Variants in ARPP21 observed in about 807,000 individuals in gnomAD.
The protein encoded by ARPP21 is cAMP-regulated phosphoprotein 21.
In ARPP21, 69 loss-of-function variants were observed where a neutral mutation model predicts 113.2. The ratio of observed to expected loss-of-function variants is 0.61; its 90% CI spans 0.50 to 0.74. The LOEUF (loss-of-function observed/expected upper bound fraction) is 0.74. ARPP21 is among the 30% of genes least tolerant of loss of function. The pLI is 0.00. For missense variants in ARPP21, 1,070 were observed against 1,037.4 expected, an observed-to-expected ratio of 1.03 and a Z score of -0.43; for synonymous variants, 368 against 375.5, an observed-to-expected ratio of 0.98 and a Z score of 0.23.
intron 9 of ARPP21, among the ~76,000 whole-genome samples, chr3:35,698,046 G>A (rs934327120): frequency 6.6e-6 from 1 of 151,574 alleles, no homozygotes; most frequent in African/African-American, 2.4e-5. Flanking sequence ...AGGAATGGCA[G>A]TGAAAATCAT....
chr3:35,657,430 A>T (rs1423398432), intron 1 of ARPP21, among the ~76,000 whole-genome samples: 1 of 152,158 alleles, frequency 6.6e-6, no homozygotes, highest in South Asian at 2.1e-4. Context: ...GGTGATATCA[A>T]TAAACATCTG....
rs746962534 is a variant in ARPP21 at position 35,689,368 on chromosome 3, A to T, written c.468A>T (p.Thr156=). ...GIDLHEFLIN[T]LKNNSRDRMI... ...ACTTACACGAGTTTCTGATTAACAC[A>T]TTAAAGAATAATTCCAGGTAAATTA... Residue 156 remains threonine, a synonymous_variant, in exon 7 of 21, where the codon ACA becomes ACT. Transcript: ENST00000684406. The T allele has an allele frequency of 1.3e-6, 2 of 1,539,710 alleles. No individual in the cohort carries two copies. Among genetic ancestry groups the T allele is most frequent in the Admixed American group, 3.4e-5 (2 of 59,500 alleles).
chr3:35,693,619 T>A (rs1176175867), intron 9 of ARPP21, among the ~76,000 whole-genome samples: 2 of 151,698 alleles, frequency 1.3e-5, no homozygotes, highest in Non-Finnish European at 3.0e-5. Context: ...GCCATGCTCT[T>A]TGGGGTTGAA....
At chr3:35,641,411 T>C (rs1045125292) in intron 1 of ARPP21, 1 of 152,226 alleles carries the variant, frequency 6.6e-6, no homozygotes, top group Non-Finnish European at 1.5e-5. Flanking sequence ...TGACAGGAAA[T>C]CATTTTTCAT....
chr3:35,639,225 T>C (rs1040727260), upstream of ARPP21, among the ~76,000 whole-genome samples: 1 of 151,714 alleles, frequency 6.6e-6, no homozygotes, highest in Non-Finnish European at 1.5e-5. This position sits in a 1 kb window ranked among gnomAD's most constrained non-coding sequence, Gnocchi z 5.0. Context: ...AGGGAATGAG[T>C]GGTACCGCGG....
intron 5 of ARPP21, chr3:35,684,136 A>G: frequency 6.8e-7 from 1 of 1,460,222 alleles, no homozygotes; most frequent in Non-Finnish European, 9.1e-7. Flanking sequence ...GATAAGGCTG[A>G]ACCAAATATA....
chr3:35,724,957 G>T (rs2093413488), intron 14 of ARPP21, among the ~76,000 whole-genome samples: 1 of 152,132 alleles, frequency 6.6e-6, no homozygotes, highest in African/African-American at 2.4e-5. Context: ...CCTTGTAAAA[G>T]AAAAATTGCA....
intron 18 of ARPP21, 112 bp from the exon 19 acceptor site, chr3:35,743,727 G>A (rs548126160): frequency 3.8e-5 from 42 of 1,107,896 alleles, no homozygotes; most frequent in Non-Finnish European, 4.9e-5. Flanking sequence ...AGAAGTTTGC[G>A]GTGGCCATCT....
In ARPP21 at chr3:35,717,368, T is replaced by A. The variant is rs1242841379; in HGVS notation, c.995+11T>A. Reference sequence around the variant, plus strand: ...AAGACAGCTCTTTCGGTTGGTATGGTTTACTTTCTTAAACTGTGTTTTTTT... The same window carrying A: ...AAGACAGCTCTTTCGGTTGGTATGGATTACTTTCTTAAACTGTGTTTTTTT... On this transcript the variant is annotated intron_variant, in intron 13 of 20. Transcript: ENST00000684406. 6.4e-7 allele frequency: 1 copy of A among 1,561,414 alleles called. No individual in the cohort carries two copies. The highest frequency in any genetic ancestry group is 8.8e-7 in the Non-Finnish European group (1 of 1,132,622).
At chr3:35,775,774 A>G (rs574717425) in intron 19 of ARPP21, among the ~76,000 whole-genome samples, 2 of 152,294 alleles carry the variant, frequency 1.3e-5, no homozygotes, top group Admixed American at 6.5e-5. Context: ...AGTGACATTT[A>G]TATCTCATTT....
At chr3:35,665,506 C>A (rs2074128199) in intron 1 of ARPP21, among the ~76,000 whole-genome samples, 1 of 152,128 alleles carries the variant, frequency 6.6e-6, no homozygotes. Flanking sequence ...ATCCATGTAT[C>A]TAGTTCTACA....
At chr3:35,732,880 C>CT (rs530710789) in intron 15 of ARPP21, among the ~76,000 whole-genome samples, 16 of 151,432 alleles carry the variant, frequency 1.1e-4, no homozygotes, top group East Asian at 3.9e-4. Flanking sequence ...ACTGCTTACA[C>CT]TTTTTTTTTA....
At chr3:35,717,117 T>C (rs888710312) in intron 12 of ARPP21, among the ~76,000 whole-genome samples, 181 bp from the exon 13 acceptor site, 3 of 152,020 alleles carry the variant, frequency 2.0e-5, no homozygotes, top group Admixed American at 2.0e-4. Flanking sequence ...GTCTTAATCC[T>C]AGGGTAGAGA....
intron 14 of ARPP21, 128 bp downstream of exon 14, chr3:35,721,962 A>T: frequency 6.2e-6 from 4 of 641,200 alleles, no homozygotes; most frequent in Non-Finnish European, 1.1e-5. Flanking sequence ...ATAGCTGGAA[A>T]TCAGAAGGTA....
intron 11 of ARPP21, among the ~76,000 whole-genome samples, chr3:35,711,943 G>C (rs1282212110): frequency 6.6e-6 from 1 of 152,188 alleles, no homozygotes; most frequent in Admixed American, 6.5e-5. Flanking sequence ...TGGACACTCA[G>C]ATCAACATTG....
intron 14 of ARPP21, 117 bp from the exon 15 acceptor site, chr3:35,729,186 G>A (rs960937233): frequency 1.0e-5 from 7 of 668,694 alleles, no homozygotes; most frequent in African/African-American, 7.1e-5. Context: ...TCATCCTACA[G>A]CATGCGTCTC....
rs1433240310 is a variant in ARPP21, at chr3:35,743,907, C to T, written c.2079C>T (p.Ala693=). The T allele has an allele frequency of 6.2e-7, 1 of 1,613,650 alleles. No homozygotes were observed. The highest frequency in any genetic ancestry group is 8.5e-7 in the Non-Finnish European group (1 of 1,179,518). ...CCACGCAACAGTACCGGCCCATGGC[C>T]CCGGTTCAGTACAACGCTCAGAGGA... is the stretch of plus-strand genomic sequence containing the variant. ...TSTTQQYRPM[A]PVQYNAQRSQ... is the part of the protein sequence containing the mutation. The change falls in exon 19 of 21, where the codon GCC becomes GCT. Residue 693 remains alanine, a synonymous_variant. Transcript: ENST00000684406.
rs773383712 is a variant in ARPP21 at position 35,721,767 on chromosome 3, C to T, written c.1158C>T (p.Gly386=). 3.1e-6 allele frequency: 5 copies of T among 1,613,668 alleles called. No homozygotes were observed. Among genetic ancestry groups the T allele is most frequent in the Non-Finnish European group, 4.2e-6 (5 of 1,179,814 alleles). ...TGACCAAGACGGCGAGTTTTGGGGGCATCACGGTGCTGACCAGGGGTGACA... is the reference window on the plus strand; with the variant it reads ...TGACCAAGACGGCGAGTTTTGGGGGTATCACGGTGCTGACCAGGGGTGACA... The part of the protein sequence containing the change: ...PAMTKTASFG[G]ITVLTRGDST... The change falls in exon 14 of 21, where the codon GGC becomes GGT. Residue 386 remains glycine, a synonymous_variant. Coordinates refer to ENST00000684406, the MANE Select transcript of ARPP21 (RefSeq NM_001385562.1).
chr3:35,773,331 T>A (rs2096263169), intron 19 of ARPP21, among the ~76,000 whole-genome samples: 1 of 152,132 alleles, frequency 6.6e-6, no homozygotes, highest in African/African-American at 2.4e-5. Context: ...TGTGTCACCT[T>A]CCCTATTTTA....
Sources: allele counts gnomAD v4.1 joint callset (sites outside exome capture counted in the v4.1 genomes callset), GRCh38; gene constraint gnomAD v4.1.1; non-coding constraint Gnocchi (gnomAD v3.1); transcripts MANE v1.5; gene names NCBI Gene and HGNC (gene_info 2026-07-23, HGNC 2026-07-21).